Variants in NOS2 observed in about 807,000 individuals in gnomAD.
The protein encoded by NOS2 is nitric oxide synthase 2, also known as nitric oxide synthase, inducible.
Under a neutral mutation model 136.0 loss-of-function variants are expected in NOS2, and 96 were observed. The observed-to-expected ratio is 0.71, with a 90% CI of 0.60 to 0.84. The LOEUF is 0.84. NOS2 is among the 40% of genes least tolerant of loss of function. NOS2 has a pLI of 0.00. For missense variants in NOS2, 1,237 were observed against 1,496.9 expected (o/e 0.83, Z 2.87); for synonymous variants, 539 against 587.5 (o/e 0.92, Z 1.20).
At chr17:27,788,729 G>A (rs575333440) in intron 4 of NOS2, 80 bp downstream of exon 4, 330 of 1,533,892 alleles carry the variant, frequency 2.2e-4, no homozygotes, top group Non-Finnish European at 2.8e-4. Context: ...TGCCCAGGGG[G>A]ACACCTGTTT....
Position 27,789,585 on chromosome 17 carries a change from A to G in NOS2, c.195+19T>C, listed in dbSNP as rs758237640. 1 of 1,591,670 alleles carries G rather than the reference A, an allele frequency of 6.3e-7. No homozygotes were observed. The highest frequency in any genetic ancestry group is 8.6e-7 in the Non-Finnish European group (1 of 1,159,862). ...GACCAGGGAGGAAGGGGCTTCCCAC[A>G]CCCATGTGACTCACTGACCTTTCCC... On this transcript the variant is annotated intron_variant, in intron 3 of 26. Transcript: ENST00000313735.
intron 6 of NOS2, 40 bp downstream of exon 6, chr17:27,782,904 C>T (rs201744320): frequency 2.8e-5 from 45 of 1,605,008 alleles, no homozygotes; most frequent in African/African-American, 1.1e-4. Flanking sequence ...AGGGCCTGGC[C>T]GCCTCCAGCT....
chr17:27,792,157 A>G (rs956972312), intron 2 of NOS2, among the ~76,000 whole-genome samples: 10 of 152,228 alleles, frequency 6.6e-5, no homozygotes, highest in African/African-American at 2.4e-4. Context: ...TCCACTCTAC[A>G]GATGGGCCAC....
intron 19 of NOS2, among the ~76,000 whole-genome samples, chr17:27,765,923 A>AG (rs1320464492): frequency 6.6e-6 from 1 of 152,054 alleles, no homozygotes; most frequent in African/African-American, 2.4e-5. Context: ...TCTGGGGAGG[A>AG]GGGGGGCCCA....
At position 27,780,882 on chromosome 17, in the gene NOS2, G is replaced by C. The variant is rs1239001511; in HGVS notation, c.889C>G (p.Pro297Ala). ...TQLCIDLGWK[P>A]KYGRFDVVPL... ...ACCACATCGAAGCGGCCGTACTTGG[G>C]CTTCCAGCCCAGGTCGATGCACAGC... Residue 297 changes from proline to alanine, a missense_variant, in exon 9 of 27, where the codon CCC becomes GCC. Physicochemically the swap from Pro to Ala is conservative, Grantham distance 27 (BLOSUM62 -1). This residue lies in a region of NOS2 where 440 missense variants were observed against 545.4 expected (regional missense o/e 0.81). Coordinates refer to ENST00000313735, the MANE Select transcript of NOS2 (RefSeq NM_000625.4). 2 of 1,613,928 alleles carry C rather than the reference G, an allele frequency of 1.2e-6. No individual in the cohort carries two copies. Among genetic ancestry groups the C allele is most frequent in the South Asian group, 2.2e-5 (2 of 91,052 alleles).
At chr17:27,794,710 A>ACG (rs143309920) in intron 2 of NOS2, among the ~76,000 whole-genome samples, 148 of 133,348 alleles carry the variant, frequency 1.1e-3, no homozygotes, top group Middle Eastern at 7.5e-3. Context: ...GTACACACAC[A>ACG]CGCGCACACA....
intron 26 of NOS2, among the ~76,000 whole-genome samples, chr17:27,758,039 G>A (rs1285651266): frequency 3.3e-5 from 5 of 152,122 alleles, no homozygotes; most frequent in South Asian, 2.1e-4. Context: ...ACTCCCCAGC[G>A]TTCCCTGGGC....
intron 16 of NOS2, 63 bp from the exon 17 acceptor site, chr17:27,769,214 A>G: frequency 6.7e-7 from 1 of 1,482,532 alleles, no homozygotes; most frequent in South Asian, 1.3e-5. Context: ...CCCAGCACCC[A>G]GCACCAACAG....
rs1217512050 is a variant in NOS2 at position 27,769,567 on chromosome 17, G to A, written c.1827C>T (p.Leu609=). The A allele has an allele frequency of 1.2e-6, 2 of 1,613,566 alleles. No homozygotes were observed. Among genetic ancestry groups the A allele is most frequent in the South Asian group, 1.1e-5 (1 of 91,052 alleles). Residue 609 remains leucine, a synonymous_variant, in exon 16 of 27, where the codon CTC becomes CTT. Transcript: ENST00000313735. ...PGNGEKLKKS[L]FMLKELNNKF... ...TGTTGTTGAGCTCTTTCAGCATGAAGAGCGATTTCTTCAGTTTCTAGAAAG... is the reference window on the plus strand; with the variant it reads ...TGTTGTTGAGCTCTTTCAGCATGAAAAGCGATTTCTTCAGTTTCTAGAAAG...
chr17:27,790,781 T>A (rs1208445427), intron 2 of NOS2, among the ~76,000 whole-genome samples: 7 of 152,236 alleles, frequency 4.6e-5, no homozygotes, highest in Admixed American at 4.6e-4. Flanking sequence ...CTGAAACCGG[T>A]CAGAAACCGT....
At position 27,773,145 on chromosome 17, in the gene NOS2, T is replaced by C; in HGVS notation, c.1559+16A>G. 6.3e-7 allele frequency: 1 copy of C among 1,599,624 alleles called. No individual in the cohort carries two copies. Among genetic ancestry groups the C allele is most frequent in the Non-Finnish European group, 8.6e-7 (1 of 1,166,744 alleles). On this transcript the variant is annotated intron_variant, in intron 13 of 26. Coordinates refer to ENST00000313735, the MANE Select transcript of NOS2 (RefSeq NM_000625.4). ...TAGTTCACACATCACTACTAGCCAC[T>C]GCCACTGCCACTCACTTGACCAAGA...
chr17:27,768,205 C>A (rs1297322721), intron 17 of NOS2, among the ~76,000 whole-genome samples: 1 of 151,786 alleles, frequency 6.6e-6, no homozygotes, highest in Non-Finnish European at 1.5e-5. Flanking sequence ...GTACGCACAA[C>A]CAAGCCCAGC....
intron 2 of NOS2, among the ~76,000 whole-genome samples, chr17:27,790,415 C>G (rs547736009): frequency 2.0e-4 from 30 of 152,286 alleles, no homozygotes; most frequent in African/African-American, 6.3e-4. Flanking sequence ...TTTTTCATGA[C>G]TTAAGCTTTA....
At chr17:27,777,978 GCTGCAGTGATCATGCCA>G (rs1051221081) in intron 11 of NOS2, among the ~76,000 whole-genome samples, 5 of 151,814 alleles carry the variant, frequency 3.3e-5, no homozygotes, top group African/African-American at 1.2e-4. Context: ...GGAGGTCAAG[GCTGCAGTGATCATGCCA>G]CTGCATTCCA....
intron 11 of NOS2, among the ~76,000 whole-genome samples, chr17:27,777,528 C>T (rs948040173): frequency 2.0e-5 from 3 of 152,304 alleles, no homozygotes; most frequent in Admixed American, 2.0e-4. Context: ...TCACAGGTCC[C>T]CTCCCAGCAT....
chr17:27,789,020 G>C (rs1490286852), intron 3 of NOS2, 89 bp from the exon 4 acceptor site: 19 of 1,500,754 alleles, frequency 1.3e-5, no homozygotes, highest in Non-Finnish European at 4.5e-6. Flanking sequence ...ATCTATGGGT[G>C]GCCACACAGG....
At chr17:27,765,759 CCTCCAGGG>C in intron 19 of NOS2, 43 bp from the exon 20 acceptor site, 7 of 1,541,026 alleles carry the variant, frequency 4.5e-6, no homozygotes, top group Non-Finnish European at 5.3e-6. Context: ...TGCAGGATTT[CCTCCAGGG>C]CTCCTTGATG....
intron 17 of NOS2, among the ~76,000 whole-genome samples, chr17:27,768,354 A>G (rs1385758507): frequency 2.0e-5 from 3 of 152,288 alleles, no homozygotes; most frequent in Non-Finnish European, 4.4e-5. Context: ...CCCGACCACT[A>G]TGAATGCCAA....
chr17:27,769,133 G>T lies in NOS2; in HGVS notation c.1878C>A (p.Leu626=). ...AGAACCGAGGGTACATGCTGGAGCC[G>T]AGGCCAAACACAGCGTACCTGCCCG... The part of the protein sequence containing the change: ...NNKFRYAVFG[L]GSSMYPRFCA... Residue 626 remains leucine, a synonymous_variant, in exon 17 of 27, where the codon CTC becomes CTA. Transcript: ENST00000313735. 6.2e-7 allele frequency: 1 copy of T among 1,611,168 alleles called. No homozygotes were observed. The highest frequency in any genetic ancestry group is 1.7e-5 in the Admixed American group (1 of 59,870).
Sources: gnomAD v4.1 joint callset for allele counts (sites outside exome capture counted in the v4.1 genomes callset) on GRCh38, gnomAD v4.1.1 for gene constraint, gnomAD v4.1.1 regional missense constraint, MANE v1.5 for transcripts, NCBI Gene and HGNC (gene_info 2026-07-23, HGNC 2026-07-21) for gene names.